RBFOX1: variants seen among roughly 807,000 people sequenced by gnomAD.
The protein encoded by RBFOX1 is RNA binding protein fox-1 homolog 1.
In RBFOX1, 8 loss-of-function variants were observed where a neutral mutation model predicts 57.7. The observed-to-expected ratio is 0.14, with a 90% confidence interval of 0.08 to 0.25. The LOEUF is 0.25. RBFOX1 is among the 10% of genes least tolerant of loss of function. RBFOX1 has a pLI of 1.00. For missense variants in RBFOX1, 611 were observed against 548.5 expected (o/e 1.11, Z -1.14); for synonymous variants, 326 against 222.4 (o/e 1.47, Z -4.15).
rs757539219 is a variant in RBFOX1 at position 6,277,125 on chromosome 16, ATAAT to A, written c.-126-39866_-126-39863del. On this transcript the variant is annotated intron_variant, in intron 1 of 15. Transcript: ENST00000550418. ...GACACAATTGCCGGAGGTTCAGAAA[ATAAT>A]TAAAGTTTTGTAATGACTTATAAAT... 7.2e-5 allele frequency among the ~76,000 whole-genome samples: 11 copies of A among 152,292 alleles called. No individual in the cohort carries two copies. In the East Asian group the frequency reaches 1.9e-3, roughly 27 times the overall value.
chr16:7,115,430 T>C (rs2065681943), intron 4 of RBFOX1, among the ~76,000 whole-genome samples: 1 of 152,236 alleles, frequency 6.6e-6, no homozygotes, highest in African/African-American at 2.4e-5. Flanking sequence ...TATTGCTATG[T>C]AATTACCACC....
At chr16:6,800,864 T>C (rs2085270734) in intron 3 of RBFOX1, among the ~76,000 whole-genome samples, 1 of 152,122 alleles carries the variant, frequency 6.6e-6, no homozygotes, top group South Asian at 2.1e-4. Flanking sequence ...CTTCTGGTTG[T>C]TTTTCTATGT....
At chr16:7,682,289 G>C (rs548471942) in intron 14 of RBFOX1, among the ~76,000 whole-genome samples, 40 of 152,146 alleles carry the variant, frequency 2.6e-4, no homozygotes, top group Middle Eastern at 6.8e-3. Context: ...AATATAGTGA[G>C]AGCATTGTAA....
At chr16:6,946,062 G>C (rs1042827921) in intron 3 of RBFOX1, among the ~76,000 whole-genome samples, 2 of 152,186 alleles carry the variant, frequency 1.3e-5, no homozygotes, top group Non-Finnish European at 2.9e-5. Flanking sequence ...GGGAATTAAA[G>C]CACCCTTTCC....
intron 4 of RBFOX1, among the ~76,000 whole-genome samples, chr16:7,504,805 A>ATATATATATATATT (rs2072658444): frequency 2.4e-5 from 2 of 84,072 alleles, no homozygotes; most frequent in African/African-American, 5.2e-5. Context: ...ATATATATTT[A>ATATATATATATATT]TATATATATA....
At chr16:7,166,139 G>C (rs147804009) in intron 4 of RBFOX1, among the ~76,000 whole-genome samples, 2 of 151,978 alleles carry the variant, frequency 1.3e-5, no homozygotes, top group African/African-American at 4.8e-5. Context: ...TCAGCCTTCC[G>C]AGTAGATGGG....
At chr16:6,952,776 C>T (rs956918741) in intron 3 of RBFOX1, among the ~76,000 whole-genome samples, 2 of 152,016 alleles carry the variant, frequency 1.3e-5, no homozygotes, top group Non-Finnish European at 2.9e-5. Flanking sequence ...AGGAGTTTGA[C>T]ACCAGCCTGG....
chr16:6,007,070 C>G (rs1017821666), intron 4 of RBFOX1, among the ~76,000 whole-genome samples: 5 of 152,138 alleles, frequency 3.3e-5, no homozygotes, highest in Non-Finnish European at 5.9e-5. Context: ...TTATTTCTCA[C>G]TGGAACCAAG....
At position 7,641,912 on chromosome 16, in the gene RBFOX1, CTCTT is replaced by C. The variant is rs143323595; in HGVS notation, c.757+11235_757+11238del. On this transcript the variant is annotated intron_variant, in intron 11 of 15. Transcript: ENST00000550418. ...AGGCGTTACAGCTCCTCAAATGCTA[CTCTT>C]TCTTTTTCTGGCTCAGAAGCCACCT... Among the ~76,000 whole-genome samples, 649 of 152,282 alleles carry C rather than the reference CTCTT, an allele frequency of 4.3e-3. 5 individuals are homozygous for C. Among genetic ancestry groups the C allele is most frequent in the African/African-American group, 0.015 (615 of 41,558 alleles).
intron 2 of RBFOX1, among the ~76,000 whole-genome samples, chr16:6,633,365 C>G (rs1207491262): frequency 6.6e-6 from 1 of 152,174 alleles, no homozygotes; most frequent in Non-Finnish European, 1.5e-5. Flanking sequence ...GCAACCTCCT[C>G]CTCCCAGGTT....
At chr16:5,903,628 C>T (rs1044357088) in intron 4 of RBFOX1, among the ~76,000 whole-genome samples, 22 of 152,140 alleles carry the variant, frequency 1.4e-4, no homozygotes, top group Admixed American at 1.4e-3. Flanking sequence ...CCTATGAGAA[C>T]TCAGAGGCTG....
chr16:6,437,591 T>C (rs866477130), intron 2 of RBFOX1, among the ~76,000 whole-genome samples: 9 of 152,342 alleles, frequency 5.9e-5, no homozygotes, highest in Middle Eastern at 3.4e-3. Flanking sequence ...TACACTGCTA[T>C]GAAGAACTAC....
chr16:6,927,068 C>G (rs1355719988), intron 3 of RBFOX1, among the ~76,000 whole-genome samples: 1 of 151,964 alleles, frequency 6.6e-6, no homozygotes, highest in Non-Finnish European at 1.5e-5. Context: ...TTTTTCTTTT[C>G]CTATACCGAT....
At chr16:6,568,386 C>T (rs1202215491) in intron 2 of RBFOX1, among the ~76,000 whole-genome samples, 2 of 152,090 alleles carry the variant, frequency 1.3e-5, no homozygotes, top group African/African-American at 4.8e-5. Context: ...GTCCTGGAGA[C>T]ATGGCGGATG....
intron 1 of RBFOX1, among the ~76,000 whole-genome samples, chr16:5,244,605 G>T (rs1465772516): frequency 6.6e-6 from 1 of 152,218 alleles, no homozygotes; most frequent in Non-Finnish European, 1.5e-5. Flanking sequence ...TATTTCCCTG[G>T]CAACAATCTT....
intron 3 of RBFOX1, among the ~76,000 whole-genome samples, chr16:5,732,592 T>C (rs1237513698): frequency 1.3e-5 from 2 of 152,254 alleles, no homozygotes; most frequent in Non-Finnish European, 2.9e-5. Context: ...GCTTTAGGCC[T>C]TTCTGGGTCT....
intron 1 of RBFOX1, among the ~76,000 whole-genome samples, chr16:6,102,975 C>T (rs1250824424): frequency 6.6e-6 from 1 of 152,030 alleles, no homozygotes; most frequent in East Asian, 1.9e-4. Flanking sequence ...TAATGCTTTC[C>T]CTTGGTTCAG....
At chr16:6,480,485 A>G (rs892120874) in intron 2 of RBFOX1, among the ~76,000 whole-genome samples, 4 of 152,234 alleles carry the variant, frequency 2.6e-5, no homozygotes, top group African/African-American at 9.6e-5. Flanking sequence ...TTTTTTACAC[A>G]TCACGAAATA....
At chr16:5,420,131 G>A (rs996994005) in intron 1 of RBFOX1, among the ~76,000 whole-genome samples, 2 of 152,158 alleles carry the variant, frequency 1.3e-5, no homozygotes, top group Non-Finnish European at 1.5e-5. Flanking sequence ...ATACAGTGAC[G>A]GGAAAGTAAT....
Sources: gnomAD v4.1 joint callset for allele counts (sites outside exome capture counted in the v4.1 genomes callset) on GRCh38, gnomAD v4.1.1 for gene constraint, MANE v1.5 for transcripts, NCBI Gene and HGNC (gene_info 2026-07-23, HGNC 2026-07-21) for gene names.